Variants in MED13L observed in about 807,000 individuals in gnomAD.
MED13L encodes mediator complex subunit 13L, also known as mediator of RNA polymerase II transcription subunit 13-like.
A neutral mutation model predicts 220.9 loss-of-function variants in MED13L; 7 were observed. That is an observed-to-expected ratio of 0.03 (90% CI 0.02 to 0.06). The LOEUF (loss-of-function observed/expected upper bound fraction) is 0.06, where lower values mean the gene tolerates loss of function less well. MED13L is among the 10% of genes least tolerant of loss of function. The probability of loss-of-function intolerance (pLI) is 1.00; values close to 1 mark genes in which losing one functional copy is unlikely to be tolerated. For synonymous variants in MED13L, 1,011 were observed against 1,015.2 expected (o/e 1.00, Z 0.08); for missense variants, 1,965 against 2,760.5 (o/e 0.71, Z 6.46).
chr12:116,145,464 C>T (rs749311491), intron 2 of MED13L, among the ~76,000 whole-genome samples: 10 of 152,076 alleles, frequency 6.6e-5, no homozygotes, highest in Admixed American at 4.6e-4. Flanking sequence ...AAATAAATGG[C>T]ATACAGTTCC....
intron 2 of MED13L, among the ~76,000 whole-genome samples, chr12:116,142,887 G>A (rs2138055578): frequency 6.6e-6 from 1 of 152,254 alleles, no homozygotes; most frequent in East Asian, 1.9e-4. Context: ...TATTCTTACA[G>A]TGTAGTTAAT....
chr12:116,191,975 T>G (rs941536020), intron 2 of MED13L, among the ~76,000 whole-genome samples: 2 of 152,224 alleles, frequency 1.3e-5, no homozygotes, highest in African/African-American at 4.8e-5. Context: ...CTACCTAAAA[T>G]GGTATTAATT....
intron 3 of MED13L, among the ~76,000 whole-genome samples, chr12:116,103,272 G>C (rs1477067475): frequency 6.6e-6 from 1 of 151,942 alleles, no homozygotes; most frequent in Non-Finnish European, 1.5e-5. Context: ...TTTATGTTTA[G>C]AGACAGAGTC....
rs144876782 is a variant in MED13L at position 116,003,778 on chromosome 12, T to C, written c.2470-676A>G. ...CTTTTATTTATTTATACTTATACAA[T>C]GTCACAACATTGAAATGTAAAATTA... On this transcript the variant is annotated intron_variant, in intron 13 of 30. Transcript: ENST00000281928. Among the ~76,000 whole-genome samples, 230 of 152,288 alleles carry C rather than the reference T, an allele frequency of 1.5e-3. 1 individual carries two copies. Among genetic ancestry groups the C allele is most frequent in the Admixed American group, 2.5e-3 (38 of 15,292 alleles).
At chr12:116,041,976 A>G (rs7959347) in intron 4 of MED13L, among the ~76,000 whole-genome samples, 22,874 of 152,224 alleles carry the variant, frequency 0.15, 1,937 homozygotes, top group Middle Eastern at 0.21. Flanking sequence ...AGATAAAAAC[A>G]ATTTTTCAGT....
chr12:116,199,750 A>G (rs143262201), intron 2 of MED13L, among the ~76,000 whole-genome samples: 2 of 152,230 alleles, frequency 1.3e-5, no homozygotes, highest in East Asian at 3.9e-4. Flanking sequence ...TCCAGTATCA[A>G]AATCTAATCT....
At position 115,958,746 on chromosome 12, in the gene MED13L, T is replaced by A. The variant is rs1347573214; in HGVS notation, c.*2520A>T. 2.0e-5 allele frequency: 3 copies of A among 152,586 alleles called. No individual in the cohort carries two copies. Among genetic ancestry groups the A allele is most frequent in the Non-Finnish European group, 4.4e-5 (3 of 68,030 alleles). The allele number at this position is 152,586 out of a possible 1,614,324, so 9.5% of individuals were successfully genotyped here. On this transcript the variant is annotated 3_prime_UTR_variant, in exon 31 of 31. Coordinates refer to ENST00000281928, the MANE Select transcript of MED13L (RefSeq NM_015335.5). ...GCTATACTGTAGTTATTTTTTTAAA[T>A]GAACTTCACATATTTTTGTATTCTT...
chr12:116,248,135 C>T (rs772928251), intron 1 of MED13L, among the ~76,000 whole-genome samples: 17 of 152,122 alleles, frequency 1.1e-4, no homozygotes, highest in East Asian at 3.9e-4. Flanking sequence ...CAAATTAACA[C>T]GGCAACAAGA....
Position 116,007,511 on chromosome 12 carries a change from T to C in MED13L, c.2138A>G (p.Asn713Ser). Residue 713 changes from asparagine to serine, a missense_variant, in exon 11 of 31, where the codon AAT becomes AGT. Coordinates refer to ENST00000281928, the MANE Select transcript of MED13L (RefSeq NM_015335.5). Reference sequence around the variant, plus strand: ...ACCATCTTCAAAGGTATATGGGTCATTCACTTCTCCCAAACTGTCTCCAGG... The same window carrying C: ...ACCATCTTCAAAGGTATATGGGTCACTCACTTCTCCCAAACTGTCTCCAGG... ...QQPGDSLGEVNDPYTFEDGDI... is the reference protein window; with the variant it reads ...QQPGDSLGEVSDPYTFEDGDI... 6.2e-7 allele frequency: 1 copy of C among 1,614,012 alleles called. No homozygotes were observed. Among genetic ancestry groups the C allele is most frequent in the East Asian group, 2.2e-5 (1 of 44,870 alleles).
At chr12:116,047,094 A>C (rs1049152230) in intron 4 of MED13L, among the ~76,000 whole-genome samples, 1 of 152,262 alleles carries the variant, frequency 6.6e-6, no homozygotes, top group Admixed American at 6.5e-5. Flanking sequence ...TCATGCCTGT[A>C]ATCCCAGCAC....
chr12:116,126,274 T>C (rs957363585), intron 2 of MED13L, among the ~76,000 whole-genome samples: 3 of 152,226 alleles, frequency 2.0e-5, no homozygotes, highest in Non-Finnish European at 4.4e-5. Context: ...ACAGTCGCAG[T>C]GGTGTGAATG....
chr12:116,019,692 A>G, intron 6 of MED13L, 86 bp downstream of exon 6: 1 of 1,455,836 alleles, frequency 6.9e-7, no homozygotes, highest in East Asian at 2.3e-5. Flanking sequence ...TATGGAGATT[A>G]TTTCTGAAGA....
chr12:116,103,640 T>C (rs908567912), intron 3 of MED13L, among the ~76,000 whole-genome samples: 1 of 152,218 alleles, frequency 6.6e-6, no homozygotes, highest in Non-Finnish European at 1.5e-5. Context: ...CTGAAAAATA[T>C]TCACTAAATA....
At chr12:115,963,690 ACTT>A (rs1410942574) in intron 29 of MED13L, among the ~76,000 whole-genome samples, 171 bp from the exon 30 acceptor site, 5 of 151,886 alleles carry the variant, frequency 3.3e-5, no homozygotes, top group African/African-American at 1.2e-4. Flanking sequence ...ATCCCAAATA[ACTT>A]CTTATCCTAG....
rs1486144918 is a variant in MED13L at position 116,277,304 on chromosome 12, G to C, written c.-173C>G. On this transcript the variant is annotated 5_prime_UTR_variant, in exon 1 of 31. Transcript: ENST00000281928. ...AGGCGGGAGGCGCCGCGGCGACGCCGCGCCGGGGGCAGCGGGCCCGGGCTG... is the reference window on the plus strand; with the variant it reads ...AGGCGGGAGGCGCCGCGGCGACGCCCCGCCGGGGGCAGCGGGCCCGGGCTG... The C allele has an allele frequency of 9.7e-4, 2 of 2,070 alleles. No individual in the cohort carries two copies. The highest frequency in any genetic ancestry group is 0.02 in the African/African-American group (2 of 100). The allele number at this position is 2,070 out of a possible 1,614,324, so 0.1% of individuals were successfully genotyped here.
At chr12:116,048,145 A>C (rs1881950213) in intron 4 of MED13L, among the ~76,000 whole-genome samples, 1 of 152,094 alleles carries the variant, frequency 6.6e-6, no homozygotes, top group African/African-American at 2.4e-5. Context: ...CTCTCTGAAC[A>C]ACCTGGGAAC....
chr12:116,196,526 G>T (rs1290140732), intron 2 of MED13L, among the ~76,000 whole-genome samples: 1 of 152,166 alleles, frequency 6.6e-6, no homozygotes, highest in Non-Finnish European at 1.5e-5. Context: ...ACTTGTGATT[G>T]GGGTAGAAGA....
intron 1 of MED13L, among the ~76,000 whole-genome samples, chr12:116,270,670 ATGAAG>A (rs778618111): frequency 2.6e-5 from 4 of 152,284 alleles, no homozygotes; most frequent in Non-Finnish European, 4.4e-5. Context: ...CCCCTATGTA[ATGAAG>A]TGAATTCCCC....
intron 4 of MED13L, among the ~76,000 whole-genome samples, chr12:116,037,150 G>A (rs992723987): frequency 4.6e-5 from 7 of 151,974 alleles, no homozygotes; most frequent in African/African-American, 7.3e-5. Flanking sequence ...ATACAAAAGC[G>A]CCTCATGGAA....
Sources: allele counts gnomAD v4.1 joint callset (sites outside exome capture counted in the v4.1 genomes callset), GRCh38; gene constraint gnomAD v4.1.1; transcripts MANE v1.5; gene names NCBI Gene and HGNC (gene_info 2026-07-23, HGNC 2026-07-21).